The following CALD1 variants were observed in gnomAD, a reference collection of about 807,000 sequenced individuals.
CALD1 encodes caldesmon.
A neutral mutation model predicts 99.9 loss-of-function variants in CALD1; 33 were observed. The observed-to-expected ratio is 0.33, with a 90% confidence interval of 0.25 to 0.44. CALD1 has a LOEUF of 0.44. CALD1 is among the 20% of genes least tolerant of loss of function. The probability of loss-of-function intolerance (pLI) is 1.00; values close to 1 mark genes in which losing one functional copy is unlikely to be tolerated. For synonymous variants in CALD1, 310 were observed against 325.0 expected, an observed-to-expected ratio of 0.95 and a Z score of 0.50; for missense variants, 861 against 962.1, an observed-to-expected ratio of 0.89 and a Z score of 1.39.
chr7:134,723,951 T>C, the CALD1 span, among the ~76,000 whole-genome samples: 2 of 152,088 alleles, frequency 1.3e-5, no homozygotes, highest in East Asian at 3.9e-4. Flanking sequence ...ATCTGAAAAA[T>C]ATTTTAAAAC....
intron 2 of CALD1, among the ~76,000 whole-genome samples, chr7:134,857,967 G>C (rs1479858523): frequency 6.6e-6 from 1 of 152,040 alleles, no homozygotes; most frequent in Non-Finnish European, 1.5e-5. Flanking sequence ...TGCCATCTAA[G>C]CTATCCTACT....
intron 3 of CALD1, among the ~76,000 whole-genome samples, chr7:134,886,079 C>T (rs533360941): frequency 6.6e-6 from 1 of 152,306 alleles, no homozygotes; most frequent in South Asian, 2.1e-4. Context: ...TTAAAAAGAG[C>T]TTAGAGAGTC....
At chr7:134,832,034 A>C (rs1381039914) in intron 1 of CALD1, among the ~76,000 whole-genome samples, 1 of 152,216 alleles carries the variant, frequency 6.6e-6, no homozygotes, top group Non-Finnish European at 1.5e-5. Flanking sequence ...TCTTTTCCCC[A>C]TGCGTCTTCC....
At chr7:134,734,057 A>G in the CALD1 span, among the ~76,000 whole-genome samples, 2 of 152,046 alleles carry the variant, frequency 1.3e-5, no homozygotes, top group Non-Finnish European at 2.9e-5. Context: ...CAGCAGTGAC[A>G]TTACCAGAGC....
In CALD1 at chr7:134,929,619, T is replaced by TACACACACATATACACAC. The variant is rs565848260; in HGVS notation, c.218+721_218+722insACACACATATACACACAC. 6.6e-4 allele frequency among the ~76,000 whole-genome samples: 14 copies of TACACACACATATACACAC among 21,358 alleles called. 1 individual carries two copies. The highest frequency in any genetic ancestry group is 1.4e-3 in the African/African-American group (8 of 5,814). 14.0% of individuals were successfully genotyped at this position (21,358 alleles called of 152,430 possible). A position where few individuals can be genotyped will look rare whatever the true frequency, so the allele number is the denominator to read the frequency against. On this transcript the variant is annotated intron_variant, in intron 4 of 14. Transcript: ENST00000361675. ...TAGTATTCCATGGTGTGTGTATATA[T>TACACACACATATACACAC]ACGTGTGTGTGTGTGTGTGTGTGTG...
At chr7:134,968,194 A>G in intron 14 of CALD1, 146 bp from the exon 15 acceptor site, 1 of 727,632 alleles carries the variant, frequency 1.4e-6, no homozygotes, top group East Asian at 2.6e-5. Flanking sequence ...TGGAATGCCG[A>G]TAATAATCCT....
chr7:134,717,863 A>T, the CALD1 span, among the ~76,000 whole-genome samples: 1 of 152,242 alleles, frequency 6.6e-6, no homozygotes, highest in African/African-American at 2.4e-5. Context: ...ATATGGAGAC[A>T]TATATTTCCG....
intron 3 of CALD1, among the ~76,000 whole-genome samples, chr7:134,901,770 T>C (rs953582211): frequency 9.9e-5 from 15 of 152,052 alleles, no homozygotes; most frequent in African/African-American, 3.6e-4. Flanking sequence ...GTAACTCCAG[T>C]GCTTCCATAA....
At chr7:134,894,225 A>C (rs1277746628) in intron 3 of CALD1, among the ~76,000 whole-genome samples, 2 of 152,184 alleles carry the variant, frequency 1.3e-5, no homozygotes, top group African/African-American at 4.8e-5. Flanking sequence ...TGAGTGACCC[A>C]GTTCCCGGCT....
At chr7:134,914,716 T>G (rs776034761) in intron 3 of CALD1, among the ~76,000 whole-genome samples, 3 of 152,214 alleles carry the variant, frequency 2.0e-5, no homozygotes, top group South Asian at 2.1e-4. Context: ...TTTCTGTACA[T>G]GGAAAGGTCC....
At chr7:134,821,487 A>G (rs1798771215) in intron 1 of CALD1, among the ~76,000 whole-genome samples, 1 of 152,170 alleles carries the variant, frequency 6.6e-6, no homozygotes, top group African/African-American at 2.4e-5. Flanking sequence ...TTTGTTCACC[A>G]AATGTTAACA....
intron 1 of CALD1, among the ~76,000 whole-genome samples, chr7:134,840,709 G>A (rs1223062173): frequency 6.6e-6 from 1 of 152,182 alleles, no homozygotes; most frequent in African/African-American, 2.4e-5. Flanking sequence ...CATGGAAGGA[G>A]CTTTGGAATA....
the CALD1 span, among the ~76,000 whole-genome samples, chr7:134,736,727 C>T: frequency 2.6e-5 from 4 of 152,176 alleles, no homozygotes; most frequent in Non-Finnish European, 4.4e-5. Flanking sequence ...TTTTTATATA[C>T]GCTATTCAGT....
chr7:134,843,861 T>C (rs1043746858), intron 1 of CALD1, 23 bp from the exon 2 acceptor site: 7 of 152,240 alleles, frequency 4.6e-5, no homozygotes, highest in Non-Finnish European at 8.8e-5. Flanking sequence ...CTGAATTATG[T>C]TTCCATCCTC....
chr7:134,965,073 G>A (rs764109588), intron 13 of CALD1: 15 of 390,552 alleles, frequency 3.8e-5, no homozygotes, highest in African/African-American at 8.3e-5. Flanking sequence ...CCAAGATCAC[G>A]CCACTACACT....
chr7:134,733,612 T>C, the CALD1 span, among the ~76,000 whole-genome samples: 1 of 151,820 alleles, frequency 6.6e-6, no homozygotes, highest in Non-Finnish European at 1.5e-5. Context: ...ATCGAGACCA[T>C]CCTGGCTAAC....
chr7:134,832,186 T>G (rs1239790669), intron 1 of CALD1, among the ~76,000 whole-genome samples: 1 of 152,232 alleles, frequency 6.6e-6, no homozygotes, highest in Non-Finnish European at 1.5e-5. Flanking sequence ...TTCGTCATTT[T>G]TGTCTCTTAA....
At chr7:134,753,111 T>C (rs1216325681) in intron 1 of CALD1, among the ~76,000 whole-genome samples, 1 of 151,656 alleles carries the variant, frequency 6.6e-6, no homozygotes, top group Non-Finnish European at 1.5e-5. Context: ...TGGAATGCTA[T>C]ATTGGGTCCA....
chr7:134,752,491 A>G (rs1796692960), intron 1 of CALD1, among the ~76,000 whole-genome samples: 1 of 152,230 alleles, frequency 6.6e-6, no homozygotes, highest in East Asian at 1.9e-4. Context: ...TGGTACCTTC[A>G]TAAATCTATT....
Sources: allele counts gnomAD v4.1 joint callset (sites outside exome capture counted in the v4.1 genomes callset), GRCh38; gene constraint gnomAD v4.1.1; transcripts MANE v1.5; gene names NCBI Gene and HGNC (gene_info 2026-07-23, HGNC 2026-07-21).